The following PHACTR1 variants were observed in gnomAD, a reference collection of about 807,000 sequenced individuals.
The protein encoded by PHACTR1 is phosphatase and actin regulator 1.
Under a neutral mutation model 69.2 loss-of-function variants are expected in PHACTR1, and 16 were observed. The observed-to-expected ratio is 0.23, with a 90% CI of 0.16 to 0.35. The LOEUF is 0.35. Ranked by LOEUF, PHACTR1 falls within the 10% of genes least tolerant of loss-of-function variation. The probability of loss-of-function intolerance (pLI) is 1.00; values close to 1 mark genes in which losing one functional copy is unlikely to be tolerated. For synonymous variants in PHACTR1, 312 were observed against 284.5 expected (o/e 1.10, Z -0.97); for missense variants, 510 against 734.7 (o/e 0.69, Z 3.54).
At chr6:13,285,286 C>CAA (rs1781428760) in intron 13 of PHACTR1, among the ~76,000 whole-genome samples, 1 of 152,158 alleles carries the variant, frequency 6.6e-6, no homozygotes, top group African/African-American at 2.4e-5. Flanking sequence ...GGCACTTAAA[C>CAA]CTAAGCCAGC....
chr6:12,835,853 C>G (rs919651322), intron 4 of PHACTR1, among the ~76,000 whole-genome samples: 80 of 152,020 alleles, frequency 5.3e-4, no homozygotes, highest in African/African-American at 1.8e-3. Context: ...TTTTGGGACA[C>G]ACACAAAAGA....
intron 4 of PHACTR1, among the ~76,000 whole-genome samples, chr6:12,867,166 G>T (rs1053499096): frequency 6.6e-6 from 1 of 152,016 alleles, no homozygotes; most frequent in African/African-American, 2.4e-5. Flanking sequence ...CTCCAGCCTG[G>T]GTATTTGTAC....
intron 4 of PHACTR1, among the ~76,000 whole-genome samples, chr6:12,762,328 G>A (rs868804159): frequency 1.3e-5 from 2 of 152,060 alleles, no homozygotes; most frequent in African/African-American, 2.4e-5. Context: ...GAGCTGTGAC[G>A]GATAATGCAG....
At chr6:13,148,962 T>C (rs1823870108) in intron 5 of PHACTR1, among the ~76,000 whole-genome samples, 2 of 152,360 alleles carry the variant, frequency 1.3e-5, no homozygotes, top group South Asian at 4.1e-4. Context: ...GGTAGACGGT[T>C]GGTCATTCTG....
chr6:12,969,597 T>C (rs1793923933), intron 4 of PHACTR1, among the ~76,000 whole-genome samples: 1 of 152,120 alleles, frequency 6.6e-6, no homozygotes, highest in South Asian at 2.1e-4. Flanking sequence ...TATGCTTAAA[T>C]ACTTAGACAC....
chr6:13,014,935 T>C (rs116513942), intron 4 of PHACTR1, among the ~76,000 whole-genome samples: 4,823 of 152,318 alleles, frequency 0.032, 260 homozygotes, highest in African/African-American at 0.11. Context: ...GCTGTGCATT[T>C]GCGCGACCCT....
At chr6:13,177,698 A>C (rs1297050350) in intron 6 of PHACTR1, among the ~76,000 whole-genome samples, 1 of 152,210 alleles carries the variant, frequency 6.6e-6, no homozygotes, top group Non-Finnish European at 1.5e-5. Flanking sequence ...TGTAGCAACA[A>C]ACCATTTTTT....
At chr6:13,040,005 T>C (rs188347290) in intron 4 of PHACTR1, among the ~76,000 whole-genome samples, 1 of 152,338 alleles carries the variant, frequency 6.6e-6, no homozygotes, top group Admixed American at 6.5e-5. Flanking sequence ...ATTATATACA[T>C]GCTTTATATG....
chr6:12,995,829 A>C (rs144807159), intron 4 of PHACTR1, among the ~76,000 whole-genome samples: 3 of 152,070 alleles, frequency 2.0e-5, no homozygotes, highest in Admixed American at 2.0e-4. Context: ...AGTAACTTAT[A>C]CATTAGTTAA....
chr6:12,969,766 A>G (rs932141108), intron 4 of PHACTR1, among the ~76,000 whole-genome samples: 2 of 152,168 alleles, frequency 1.3e-5, no homozygotes, highest in African/African-American at 2.4e-5. Flanking sequence ...ATTGGAGACC[A>G]GCCTGGCCAA....
intron 5 of PHACTR1, among the ~76,000 whole-genome samples, chr6:13,134,097 G>C (rs866736956): frequency 6.6e-6 from 1 of 150,920 alleles, no homozygotes; most frequent in Admixed American, 6.6e-5. Context: ...CCCTCCGCCC[G>C]GCAGCCGCCC....
intron 4 of PHACTR1, among the ~76,000 whole-genome samples, chr6:12,905,924 A>G (rs1785680936): frequency 6.6e-6 from 1 of 152,232 alleles, no homozygotes; most frequent in South Asian, 2.1e-4. Context: ...AAGAGGTTGA[A>G]TGAATAACTT....
At chr6:12,871,829 A>G (rs1447017238) in intron 4 of PHACTR1, among the ~76,000 whole-genome samples, 1 of 152,166 alleles carries the variant, frequency 6.6e-6, no homozygotes, top group Non-Finnish European at 1.5e-5. Flanking sequence ...ATTGTTATTT[A>G]ATAATTCTCC....
intron 5 of PHACTR1, among the ~76,000 whole-genome samples, chr6:13,121,795 T>C (rs1363114897): frequency 6.6e-6 from 1 of 152,162 alleles, no homozygotes; most frequent in Non-Finnish European, 1.5e-5. Context: ...TGCAGCAATC[T>C]TCATGGAAAG....
intron 6 of PHACTR1, among the ~76,000 whole-genome samples, chr6:13,167,326 A>G (rs1430103776): frequency 6.6e-6 from 1 of 152,232 alleles, no homozygotes; most frequent in African/African-American, 2.4e-5. Flanking sequence ...GAATTTCTCT[A>G]TGAAGCCTCA....
chr6:13,208,563 C>T (rs549669866), intron 8 of PHACTR1, among the ~76,000 whole-genome samples: 80 of 152,114 alleles, frequency 5.3e-4, no homozygotes, highest in Middle Eastern at 6.8e-3. Context: ...CTCTCCAAGT[C>T]CAGAGATCTT....
At chr6:12,726,698 A>C (rs145908823) in intron 3 of PHACTR1, among the ~76,000 whole-genome samples, 1 of 152,136 alleles carries the variant, frequency 6.6e-6, no homozygotes, top group African/African-American at 2.4e-5. Flanking sequence ...CATATGGCTC[A>C]TATCTGGACC....
chr6:12,743,202 A>AAC (rs1554131639), intron 3 of PHACTR1, among the ~76,000 whole-genome samples: 2 of 151,818 alleles, frequency 1.3e-5, no homozygotes, highest in Non-Finnish European at 2.9e-5. Context: ...AAAAAAAAAA[A>AAC]AAACAAACGT....
At chr6:13,115,859 C>T (rs1403167450) in intron 5 of PHACTR1, among the ~76,000 whole-genome samples, 1 of 152,168 alleles carries the variant, frequency 6.6e-6, no homozygotes, top group African/African-American at 2.4e-5. Flanking sequence ...GATGAGAACA[C>T]ATTTCTTCTA....
Sources: allele counts gnomAD v4.1 joint callset (sites outside exome capture counted in the v4.1 genomes callset), GRCh38; gene constraint gnomAD v4.1.1; transcripts MANE v1.5; gene names NCBI Gene and HGNC (gene_info 2026-07-23, HGNC 2026-07-21).